The following CEP162 variants were observed in gnomAD, a reference collection of about 807,000 sequenced individuals.
CEP162 encodes centrosomal protein 162.
In CEP162, 141 loss-of-function variants were observed where a neutral mutation model predicts 169.2. The observed-to-expected ratio is 0.83, with a 90% CI of 0.73 to 0.96. The LOEUF (loss-of-function observed/expected upper bound fraction) is 0.96, where lower values mean the gene tolerates loss of function less well. Among genes scored for constraint, CEP162 ranks in the 40% least tolerant of loss-of-function variants. The pLI, the probability that CEP162 is intolerant of heterozygous loss-of-function variation, is 0.00. For synonymous variants in CEP162, 540 were observed against 526.4 expected (o/e 1.03, Z -0.35); for missense variants, 1,600 against 1,587.2 (o/e 1.01, Z -0.14).
intron 7 of CEP162, among the ~76,000 whole-genome samples, 199 bp downstream of exon 7, chr6:84,203,782 T>C (rs1562079855): frequency 6.6e-6 from 1 of 152,176 alleles, no homozygotes. Context: ...TTAATTGTCG[T>C]AATTTTTTTC....
chr6:84,186,569 C>T lies in CEP162; in HGVS notation c.1164G>A (p.Leu388=). 6.2e-7 allele frequency: 1 copy of T among 1,612,158 alleles called. No individual in the cohort carries two copies. The highest frequency in any genetic ancestry group is 8.5e-7 in the Non-Finnish European group (1 of 1,179,140). ...GAGACAAAATATTTGGGTTCATCTTCAGGGGTAAAGAGCTAAAAAATTCAG... is the reference window on the plus strand; with the variant it reads ...GAGACAAAATATTTGGGTTCATCTTTAGGGGTAAAGAGCTAAAAAATTCAG... ...KETEFFSSLP[L]KMNPNILSQD... Residue 388 remains leucine (L), a synonymous_variant, in exon 12 of 27, where the codon CTG becomes CTA. Transcript: ENST00000403245.
intron 6 of CEP162, among the ~76,000 whole-genome samples, chr6:84,209,851 T>C (rs911919287): frequency 6.6e-6 from 1 of 152,140 alleles, no homozygotes; most frequent in Non-Finnish European, 1.5e-5. Flanking sequence ...AATGACTGAC[T>C]TCCTCCCCAG....
At chr6:84,138,199 T>A (rs1562002351) in intron 25 of CEP162, among the ~76,000 whole-genome samples, 1 of 152,092 alleles carries the variant, frequency 6.6e-6, no homozygotes, top group Non-Finnish European at 1.5e-5. Flanking sequence ...TCATGTGGAG[T>A]CAAGGGGAGA....
intron 5 of CEP162, among the ~76,000 whole-genome samples, chr6:84,213,809 G>A (rs1030869157): frequency 2.6e-5 from 4 of 152,134 alleles, no homozygotes; most frequent in African/African-American, 7.2e-5. Context: ...ACAAACCCGC[G>A]CATGCTTAAT....
intron 25 of CEP162, among the ~76,000 whole-genome samples, chr6:84,129,550 T>C (rs1471236012): frequency 1.3e-5 from 2 of 152,154 alleles, no homozygotes; most frequent in Non-Finnish European, 2.9e-5. Context: ...TTCTTGTAAA[T>C]TTGTTTAAGT....
At position 84,180,265 on chromosome 6, in the gene CEP162, G is replaced by T. The variant is rs544237466; in HGVS notation, c.1664-4918C>A. Among the ~76,000 whole-genome samples, 371 of 152,292 alleles carry T rather than the reference G, an allele frequency of 2.4e-3. 1 individual carries two copies. The highest frequency in any genetic ancestry group is 8.1e-3 in the African/African-American group (335 of 41,564). ...AAACCACATGATTATCTCAATAGAT[G>T]TAGAAAAGGCCTTTGACAAAATTCA... On this transcript the variant is annotated intron_variant, in intron 13 of 26. Coordinates refer to ENST00000403245, the MANE Select transcript of CEP162 (RefSeq NM_014895.4).
At chr6:84,143,519 A>C (rs569454379) in intron 25 of CEP162, among the ~76,000 whole-genome samples, 1 of 152,108 alleles carries the variant, frequency 6.6e-6, no homozygotes, top group East Asian at 1.9e-4. Context: ...GTTTTCGTTA[A>C]GGGAAAAAAT....
intron 24 of CEP162, among the ~76,000 whole-genome samples, chr6:84,148,455 G>C (rs2099519903): frequency 2.6e-5 from 4 of 152,084 alleles, no homozygotes; most frequent in Admixed American, 2.6e-4. Context: ...CTTGAACCTG[G>C]GAGGCAGAGG....
chr6:84,147,531 A>G (rs1417472172), intron 24 of CEP162, among the ~76,000 whole-genome samples: 4 of 152,176 alleles, frequency 2.6e-5, no homozygotes, highest in Non-Finnish European at 5.9e-5. Context: ...TCAAGGTGAC[A>G]GAAATCCCAA....
intron 25 of CEP162, among the ~76,000 whole-genome samples, chr6:84,134,722 G>A (rs1304999693): frequency 6.6e-6 from 1 of 152,096 alleles, no homozygotes; most frequent in African/African-American, 2.4e-5. Context: ...ACCTCAGTTG[G>A]AAATGTAGAA....
At chr6:84,164,898 C>T (rs9294291) in intron 18 of CEP162, among the ~76,000 whole-genome samples, 144,745 of 152,184 alleles carry the variant, frequency 0.95, 68,914 homozygotes, top group East Asian at 1. Context: ...AAGAAAACTC[C>T]CTGCTGGCTC....
chr6:84,142,510 C>T (rs1351290923), intron 25 of CEP162, among the ~76,000 whole-genome samples: 1 of 152,020 alleles, frequency 6.6e-6, no homozygotes, highest in African/African-American at 2.4e-5. Context: ...GAAAAAGAAG[C>T]ACTTACACAA....
At chr6:84,165,601 C>T (rs1188158866) in intron 18 of CEP162, among the ~76,000 whole-genome samples, 1 of 152,078 alleles carries the variant, frequency 6.6e-6, no homozygotes, top group East Asian at 1.9e-4. Context: ...GGGACCAACA[C>T]TGATTTAGTA....
In CEP162 at chr6:84,171,704, T is replaced by C. The variant is rs2099530202; in HGVS notation, c.2181A>G (p.Leu727=). 1 of 1,472,198 alleles carries C rather than the reference T, an allele frequency of 6.8e-7. No individual in the cohort carries two copies. Among genetic ancestry groups the C allele is most frequent in the African/African-American group, 1.4e-5 (1 of 70,274 alleles). The allele number at this position is 1,472,198 out of a possible 1,614,324, so 91.2% of individuals were successfully genotyped here. ...LQGYQQENER[L]YNQVKDLQEQ... is the part of the protein sequence containing the mutation. The stretch of plus-strand genomic sequence containing the variant: ...CTTGGAGATCTTTTACTTGATTATA[T>C]AATCGTTCATTTTCCTTTTTAAAAA... The change falls in exon 17 of 27, where the codon TTA becomes TTG. Residue 727 remains leucine, a synonymous_variant. Coordinates refer to ENST00000403245, the MANE Select transcript of CEP162 (RefSeq NM_014895.4).
At chr6:84,218,365 C>A (rs531855500) in intron 3 of CEP162, among the ~76,000 whole-genome samples, 1 of 152,152 alleles carries the variant, frequency 6.6e-6, no homozygotes, top group African/African-American at 2.4e-5. Context: ...ATGGTTGGAC[C>A]GTGCTCGTCC....
chr6:84,170,405 G>A (rs909422670), intron 17 of CEP162, among the ~76,000 whole-genome samples: 11 of 136,904 alleles, frequency 8.0e-5, no homozygotes, highest in South Asian at 7.0e-4. Flanking sequence ...AAAAAAAAGC[G>A]TAAGTAAATG....
chr6:84,212,245 G>A (rs962530736), intron 6 of CEP162, among the ~76,000 whole-genome samples: 3 of 151,934 alleles, frequency 2.0e-5, no homozygotes, highest in African/African-American at 7.3e-5. Context: ...CAAAGCACTG[G>A]GAATGGTAAA....
Position 84,171,615 on chromosome 6 carries a change from G to C in CEP162, c.2270C>G (p.Ala757Gly). 1 of 1,443,338 alleles carries C rather than the reference G, an allele frequency of 6.9e-7. No individual in the cohort carries two copies. The allele number at this position is 1,443,338 out of a possible 1,614,324, so 89.4% of individuals were successfully genotyped here. ...KENQSLFSEV[A>G]SLKEQMHKSR... ...GTTCAAAAGGACTTACTTTAAGGAA[G>C]CTACCTCACTGAATAAACTTTGGTT... The change falls in exon 17 of 27, where the codon GCT (alanine) becomes GGT (glycine). Residue 757 changes from alanine to glycine, a missense_variant. Physicochemically the swap from Ala to Gly is moderately conservative, Grantham distance 60. Coordinates refer to ENST00000403245, the MANE Select transcript of CEP162 (RefSeq NM_014895.4).
At chr6:84,180,200 C>T (rs1424450292) in intron 13 of CEP162, among the ~76,000 whole-genome samples, 1 of 152,134 alleles carries the variant, frequency 6.6e-6, no homozygotes, top group East Asian at 1.9e-4. Context: ...GTACGCAAAT[C>T]AATAAACGCA....
Sources: gnomAD v4.1 joint callset for allele counts (sites outside exome capture counted in the v4.1 genomes callset) on GRCh38, gnomAD v4.1.1 for gene constraint, MANE v1.5 for transcripts, NCBI Gene and HGNC (gene_info 2026-07-23, HGNC 2026-07-21) for gene names.